Variants in INPP4B observed in about 807,000 individuals in gnomAD.
INPP4B encodes inositol polyphosphate-4-phosphatase type II B.
Under a neutral mutation model 122.5 loss-of-function variants are expected in INPP4B, and 55 were observed. The ratio of observed to expected loss-of-function variants is 0.45; its 90% CI spans 0.36 to 0.56. The LOEUF is 0.56. INPP4B is among the 20% of genes least tolerant of loss of function. The probability of loss-of-function intolerance (pLI) is 0.00; values close to 1 mark genes in which losing one functional copy is unlikely to be tolerated. For synonymous variants in INPP4B, 403 were observed against 388.7 expected (o/e 1.04, Z -0.43); for missense variants, 1,000 against 1,097.7 (o/e 0.91, Z 1.26).
intron 2 of INPP4B, among the ~76,000 whole-genome samples, chr4:142,507,001 C>T (rs1045874530): frequency 2.6e-5 from 4 of 152,192 alleles, no homozygotes; most frequent in Non-Finnish European, 4.4e-5. Context: ...TCTGCTGTGG[C>T]TGACATTGTT....
intron 5 of INPP4B, among the ~76,000 whole-genome samples, chr4:142,415,538 C>G (rs1239488202): frequency 1.3e-5 from 2 of 151,934 alleles, no homozygotes; most frequent in South Asian, 2.1e-4. Context: ...AATAGGAACA[C>G]TTTTACACTG....
At chr4:142,754,344 C>T (rs184968894) in intron 1 of INPP4B, among the ~76,000 whole-genome samples, 16 of 151,938 alleles carry the variant, frequency 1.1e-4, no homozygotes, top group African/African-American at 3.9e-4. Context: ...CAAGTAATGA[C>T]AAGCAACAAA....
At chr4:142,480,225 T>A (rs1201241216) in intron 2 of INPP4B, among the ~76,000 whole-genome samples, 1 of 152,238 alleles carries the variant, frequency 6.6e-6, no homozygotes, top group Non-Finnish European at 1.5e-5. Context: ...GTATATGTTA[T>A]GGTAAATTCT....
chr4:142,321,287 T>C (rs901909401), intron 7 of INPP4B, among the ~76,000 whole-genome samples: 2 of 152,228 alleles, frequency 1.3e-5, no homozygotes, highest in Non-Finnish European at 1.5e-5. Flanking sequence ...TTTGTTTATG[T>C]CCTTAGCCCA....
At chr4:142,641,536 T>C (rs1206338239) in intron 2 of INPP4B, among the ~76,000 whole-genome samples, 1 of 152,038 alleles carries the variant, frequency 6.6e-6, no homozygotes, top group South Asian at 2.1e-4. Flanking sequence ...TTTTTATCCT[T>C]GCGACAGTTT....
intron 18 of INPP4B, 102 bp downstream of exon 18, chr4:142,145,738 T>C: frequency 8.7e-7 from 1 of 1,148,388 alleles, no homozygotes; most frequent in Non-Finnish European, 1.3e-6. Flanking sequence ...AGCACTCTCA[T>C]CAAAGATACT....
At position 142,284,409 on chromosome 4, in the gene INPP4B, G is replaced by A. The variant is rs1579590607; in HGVS notation, c.504-13635C>T. ...CAGAAGACGAGTTGACTTTAGAAACGAAAAGGGAGTTTTTGTATAATAACA... is the reference window on the plus strand; with the variant it reads ...CAGAAGACGAGTTGACTTTAGAAACAAAAAGGGAGTTTTTGTATAATAACA... On this transcript the variant is annotated intron_variant, in intron 9 of 25. Transcript: ENST00000262992. Among the ~76,000 whole-genome samples, 10 of 152,226 alleles carry A rather than the reference G, an allele frequency of 6.6e-5. 1 individual carries two copies. In the South Asian group the frequency reaches 2.1e-3, roughly 32 times the overall value.
intron 7 of INPP4B, among the ~76,000 whole-genome samples, chr4:142,364,321 T>A (rs1319739633): frequency 6.6e-6 from 1 of 151,756 alleles, no homozygotes; most frequent in Non-Finnish European, 1.5e-5. Flanking sequence ...CCTTACTTGT[T>A]TATTTAAAAA....
At chr4:142,529,549 C>T (rs1450680163) in intron 2 of INPP4B, among the ~76,000 whole-genome samples, 2 of 151,806 alleles carry the variant, frequency 1.3e-5, no homozygotes, top group African/African-American at 2.4e-5. Context: ...TTTATGTGAA[C>T]ATAAAATGGA....
intron 2 of INPP4B, among the ~76,000 whole-genome samples, chr4:142,567,402 C>T (rs1731853210): frequency 1.3e-5 from 2 of 152,076 alleles, no homozygotes; most frequent in African/African-American, 4.8e-5. Flanking sequence ...AGTCACTCTT[C>T]CAGTAGTTCC....
At chr4:142,613,097 G>A (rs190558041) in intron 2 of INPP4B, among the ~76,000 whole-genome samples, 4 of 152,196 alleles carry the variant, frequency 2.6e-5, no homozygotes, top group Middle Eastern at 3.4e-3. Context: ...TTTGTACCAC[G>A]AGGGAGCAGA....
rs1394106223 is a variant in INPP4B, at chr4:142,518,312, T to A, written c.-190-55586A>T. On this transcript the variant is annotated intron_variant, in intron 2 of 25. Coordinates refer to ENST00000262992, the MANE Select transcript of INPP4B (RefSeq NM_001101669.3). ...TGACAGTTCTATCCACATAACCTGA[T>A]TGACAGTTATTGGCATGAACAAGTG... Among the ~76,000 whole-genome samples, 10 of 152,230 alleles carry A rather than the reference T, an allele frequency of 6.6e-5. No individual in the cohort carries two copies. In the East Asian group the frequency reaches 1.9e-3, roughly 29 times the overall value.
At chr4:142,622,197 C>T (rs1334952114) in intron 2 of INPP4B, among the ~76,000 whole-genome samples, 2 of 151,802 alleles carry the variant, frequency 1.3e-5, no homozygotes, top group East Asian at 1.9e-4. Context: ...AATGTGGGCC[C>T]GGGCTACAAA....
intron 3 of INPP4B, among the ~76,000 whole-genome samples, chr4:142,434,336 A>G (rs982454061): frequency 4.6e-5 from 7 of 152,284 alleles, no homozygotes; most frequent in African/African-American, 1.4e-4. Context: ...GCTCCTCTCT[A>G]GGACTTTAAA....
At chr4:142,629,327 A>C (rs13353798) in intron 2 of INPP4B, among the ~76,000 whole-genome samples, 11,412 of 152,142 alleles carry the variant, frequency 0.075, 453 homozygotes, top group South Asian at 0.1. Flanking sequence ...AAACTGTAAG[A>C]GAGTATATAT....
intron 9 of INPP4B, among the ~76,000 whole-genome samples, chr4:142,272,932 G>A (rs941822256): frequency 6.6e-6 from 1 of 151,894 alleles, no homozygotes; most frequent in African/African-American, 2.4e-5. Context: ...GAAGCACAAG[G>A]CCTACGTATG....
At chr4:142,404,464 T>C (rs1802670138) in intron 6 of INPP4B, among the ~76,000 whole-genome samples, 2 of 152,238 alleles carry the variant, frequency 1.3e-5, no homozygotes, top group Admixed American at 1.3e-4. Flanking sequence ...TCATTAAGGT[T>C]GTGAAATGTG....
chr4:142,563,043 C>T (rs774060356), intron 2 of INPP4B, among the ~76,000 whole-genome samples: 24 of 152,118 alleles, frequency 1.6e-4, no homozygotes, highest in Admixed American at 2.6e-4. Context: ...GATGGCTGTG[C>T]CTTTAAAGAC....
intron 2 of INPP4B, among the ~76,000 whole-genome samples, chr4:142,564,451 A>AAAAAAAG (rs1179574438): frequency 4.5e-4 from 59 of 131,690 alleles, no homozygotes; most frequent in African/African-American, 1.6e-3. Flanking sequence ...AAAAAAAAAA[A>AAAAAAAG]AAAGAAAGAA....
Sources: gnomAD v4.1 joint callset for allele counts (sites outside exome capture counted in the v4.1 genomes callset) on GRCh38, gnomAD v4.1.1 for gene constraint, MANE v1.5 for transcripts, NCBI Gene and HGNC (gene_info 2026-07-23, HGNC 2026-07-21) for gene names.